Variants in ST3GAL3 observed in about 807,000 individuals in gnomAD.
The protein encoded by ST3GAL3 is CMP-N-acetylneuraminate-beta-1,4-galactoside alpha-2,3-sialyltransferase.
ST3GAL3 carries 21 observed loss-of-function variants against 50.1 expected under a neutral mutation model. That is an observed-to-expected ratio of 0.42 (90% confidence interval 0.30 to 0.60). ST3GAL3 has a LOEUF of 0.60. ST3GAL3 is among the 20% of genes least tolerant of loss of function. The pLI, the probability that ST3GAL3 is intolerant of heterozygous loss-of-function variation, is 0.19. For synonymous variants in ST3GAL3, 183 were observed against 190.0 expected, an observed-to-expected ratio of 0.96 and a Z score of 0.30; for missense variants, 353 against 489.4, an observed-to-expected ratio of 0.72 and a Z score of 2.63.
At chr1:43,738,584 C>T (rs1260855382) in intron 2 of ST3GAL3, 1 of 151,530 alleles carries the variant, frequency 6.6e-6, no homozygotes, top group African/African-American at 2.4e-5. Context: ...GTAGCCTCAA[C>T]CTGCCAGGCT....
intron 1 of ST3GAL3, among the ~76,000 whole-genome samples, chr1:43,713,684 A>C (rs1349799364): frequency 6.6e-6 from 1 of 151,836 alleles, no homozygotes; most frequent in Non-Finnish European, 1.5e-5. Flanking sequence ...GCACTCACGC[A>C]CCACCACGCC....
chr1:43,713,037 C>T (rs1188490374), intron 1 of ST3GAL3, among the ~76,000 whole-genome samples: 1 of 152,162 alleles, frequency 6.6e-6, no homozygotes, highest in East Asian at 1.9e-4. Context: ...TAGCTATTTC[C>T]CTCACATGGG....
At chr1:43,711,491 T>C (rs565639528) in intron 1 of ST3GAL3, among the ~76,000 whole-genome samples, 1 of 152,356 alleles carries the variant, frequency 6.6e-6, no homozygotes, top group East Asian at 1.9e-4. Context: ...CCAGAAATAT[T>C]TGGTGCATAG....
chr1:43,888,396 GC>G lies in ST3GAL3; in HGVS notation c.303-5986del, dbSNP rs369201674. On this transcript the variant is annotated intron_variant, in intron 5 of 11. Coordinates refer to ENST00000347631, the MANE Select transcript of ST3GAL3 (RefSeq NM_006279.5). Reference sequence around the variant, plus strand: ...TGGGAGGCCAAAAGTGACCATAGCAGCAGCTTTCTGCCTCCTGCTTTGAGAA... The same window carrying G: ...TGGGAGGCCAAAAGTGACCATAGCAGAGCTTTCTGCCTCCTGCTTTGAGAA... 5.7e-4 allele frequency among the ~76,000 whole-genome samples: 86 copies of G among 152,178 alleles called. No individual in the cohort carries two copies. The East Asian group carries it at 0.013, about 23-fold the overall frequency.
chr1:43,875,938 CTTCTTCTTCTTCTTA>C (rs560192379), intron 5 of ST3GAL3, among the ~76,000 whole-genome samples: 959 of 45,696 alleles, frequency 0.021, 9 homozygotes, highest in African/African-American at 0.045. Context: ...TCTTCTTCTT[CTTCTTCTTCTTCTTA>C]TTATTATTAT....
At chr1:43,861,434 GCTGTCAGGACTTGTATAGA>G (rs6143206) in intron 5 of ST3GAL3, among the ~76,000 whole-genome samples, 114,857 of 151,822 alleles carry the variant, frequency 0.76, 44,352 homozygotes, top group Non-Finnish European at 0.84. Flanking sequence ...TTGGTGTGGA[GCTGTCAGGACTTGTATAGA>G]CTGCATACAA....
chr1:43,759,656 A>G (rs1399560181), intron 2 of ST3GAL3, among the ~76,000 whole-genome samples: 2 of 152,196 alleles, frequency 1.3e-5, no homozygotes, highest in African/African-American at 2.4e-5. Context: ...CTGTGTTGGC[A>G]TCTGCACTGA....
chr1:43,838,715 CAA>C (rs1257617146), intron 5 of ST3GAL3: 1 of 277,604 alleles, frequency 3.6e-6, no homozygotes, highest in African/African-American at 2.2e-5. Context: ...AAGCAGGGAA[CAA>C]AGAGAAATTT....
At chr1:43,747,326 C>T (rs1012801928) in intron 2 of ST3GAL3, among the ~76,000 whole-genome samples, 1 of 151,756 alleles carries the variant, frequency 6.6e-6, no homozygotes, top group Non-Finnish European at 1.5e-5. Flanking sequence ...GCAAGAGCAT[C>T]GCTTGAACCC....
chr1:43,730,487 C>T (rs1316013739), intron 1 of ST3GAL3, among the ~76,000 whole-genome samples: 1 of 151,660 alleles, frequency 6.6e-6, no homozygotes, highest in East Asian at 1.9e-4. Flanking sequence ...GAAGTTTGGA[C>T]AAGATATATA....
intron 2 of ST3GAL3, among the ~76,000 whole-genome samples, chr1:43,759,024 A>C: frequency 6.6e-6 from 1 of 151,476 alleles, no homozygotes; most frequent in African/African-American, 2.4e-5. Flanking sequence ...AGCGTGGGCA[A>C]CAGAGCGAGA....
rs867467075 is a variant in ST3GAL3 at position 43,743,855 on chromosome 1, C to T, written c.118+7475C>T. Reference sequence around the variant, plus strand: ...TCTATTCTTTCATTCCCCCCCCCCCCATTCCTATATTACATGTAGAGTAAG... The same window carrying T: ...TCTATTCTTTCATTCCCCCCCCCCCTATTCCTATATTACATGTAGAGTAAG... On this transcript the variant is annotated intron_variant, in intron 2 of 11. Transcript: ENST00000347631. 949 of 117,364 alleles carry T rather than the reference C, an allele frequency of 8.1e-3. 9 individuals are homozygous for T. Among genetic ancestry groups the T allele is most frequent in the African/African-American group, 0.031 (916 of 29,436 alleles). 7.3% of individuals were successfully genotyped at this position (117,364 alleles called of 1,614,324 possible). A position where few individuals can be genotyped will look rare whatever the true frequency, so the allele number is the denominator to read the frequency against.
At position 43,837,871 on chromosome 1, in the gene ST3GAL3, T is replaced by C. The variant is rs1224757499; in HGVS notation, c.210-348T>C. 3.3e-5 allele frequency among the ~76,000 whole-genome samples: 5 copies of C among 152,282 alleles called. No individual in the cohort carries two copies. In the East Asian group the frequency reaches 7.7e-4, roughly 24 times the overall value. On this transcript the variant is annotated intron_variant, in intron 4 of 11. Transcript: ENST00000347631. ...AGATACCATCCAGGGGCCTGACTTA[T>C]TTATCTATCTATTCCTTTAGGGTTG... is the stretch of plus-strand genomic sequence containing the variant.
rs534653847 is a variant in ST3GAL3 at position 43,759,276 on chromosome 1, T to G, written c.118+22896T>G. The stretch of plus-strand genomic sequence containing the variant: ...CTGGCCAACATGGTGAAACTCCACC[T>G]CTACTAAAAATACAAAAATTAGCTG... On this transcript the variant is annotated intron_variant, in intron 2 of 11. Transcript: ENST00000347631. Among the ~76,000 whole-genome samples the G allele has an allele frequency of 2.7e-5, 4 of 150,516 alleles. No homozygotes were observed. In the South Asian group the frequency reaches 8.5e-4, roughly 32 times the overall value.
chr1:43,744,586 G>A (rs957749773), intron 2 of ST3GAL3, among the ~76,000 whole-genome samples: 5 of 151,002 alleles, frequency 3.3e-5, no homozygotes, highest in Middle Eastern at 3.2e-3. Flanking sequence ...AATAAACAGT[G>A]AGCTTGCAGT....
chr1:43,798,791 A>G (rs1472846128), intron 3 of ST3GAL3, among the ~76,000 whole-genome samples: 3 of 152,198 alleles, frequency 2.0e-5, no homozygotes, highest in Non-Finnish European at 2.9e-5. Context: ...CATTTTGGCC[A>G]AGGACTTGGT....
At chr1:43,891,897 A>G (rs2076730060) in intron 5 of ST3GAL3, among the ~76,000 whole-genome samples, 1 of 152,242 alleles carries the variant, frequency 6.6e-6, no homozygotes. Context: ...CATTCTGTGC[A>G]GAGCCGCTGA....
chr1:43,867,030 T>C (rs749354635), intron 5 of ST3GAL3, among the ~76,000 whole-genome samples: 1 of 152,148 alleles, frequency 6.6e-6, no homozygotes, highest in Non-Finnish European at 1.5e-5. Flanking sequence ...CTTGGGACGC[T>C]TATGCAGGAG....
chr1:43,818,851 A>G (rs955441608), intron 4 of ST3GAL3, among the ~76,000 whole-genome samples: 2 of 151,314 alleles, frequency 1.3e-5, no homozygotes, highest in African/African-American at 4.8e-5. Flanking sequence ...CAGATTAGAT[A>G]CAACTGAAGA....
Sources: allele counts gnomAD v4.1 joint callset (sites outside exome capture counted in the v4.1 genomes callset), GRCh38; gene constraint gnomAD v4.1.1; transcripts MANE v1.5; gene names NCBI Gene and HGNC (gene_info 2026-07-23, HGNC 2026-07-21).